Variants in TBC1D3H observed in about 807,000 individuals in gnomAD.
TBC1D3H encodes the protein TBC1 domain family member 3-like.
Position 36,388,363 on chromosome 17 carries a change from C to A in TBC1D3H, c.-40G>T, listed in dbSNP as rs1414538525. 8.2e-5 allele frequency: 12 copies of A among 146,408 alleles called. 1 individual carries two copies. In the East Asian group the frequency reaches 2.3e-3, roughly 28 times the overall value. The allele number at this position is 146,408 out of a possible 1,614,324, so 9.1% of individuals were successfully genotyped here. A position where few individuals can be genotyped will look rare whatever the true frequency, so the allele number is the denominator to read the frequency against. On this transcript the variant is annotated 5_prime_UTR_variant, in exon 1 of 14. Coordinates refer to ENST00000610350, the MANE Select transcript of TBC1D3H (RefSeq NM_001123392.4). ...ATCAGCTGGCCTGGGTCATGCCTCT[C>A]AGGGAGAAAACCTTTGAGTCCACAG...
intron 3 of TBC1D3H, among the ~76,000 whole-genome samples, chr17:36,386,060 T>A (rs563949380): frequency 3.9e-5 from 5 of 127,786 alleles, no homozygotes; most frequent in African/African-American, 1.5e-4. Context: ...CCTGCCCATC[T>A]TCCCCCCGTT....
At position 36,385,245 on chromosome 17, in the gene TBC1D3H, GGCTCTT is replaced by G; in HGVS notation, c.198+3_198+8del. The G allele has an allele frequency of 1.6e-6, 1 of 608,224 alleles. No individual in the cohort carries two copies. The highest frequency in any genetic ancestry group is 3.5e-5 in the Admixed American group (1 of 28,648). The allele number at this position is 608,224 out of a possible 1,614,324, so 37.7% of individuals were successfully genotyped here. ...CCTGGACCAGCCCCTCCACGCATCAGGCTCTTACCTTCGCCTCCCGCGCAGTCAGAG... is the reference window on the plus strand; with the variant it reads ...CCTGGACCAGCCCCTCCACGCATCAGACCTTCGCCTCCCGCGCAGTCAGAG... On this transcript the variant is annotated splice_donor_5th_base_variant and intron_variant, in intron 4 of 13. Coordinates refer to ENST00000610350, the MANE Select transcript of TBC1D3H (RefSeq NM_001123392.4).
chr17:36,386,014 C>G lies in TBC1D3H; in HGVS notation c.158+562G>C, dbSNP rs1292280041. Among the ~76,000 whole-genome samples, 3 of 126,234 alleles carry G rather than the reference C, an allele frequency of 2.4e-5. 1 individual carries two copies. The highest frequency in any genetic ancestry group is 5.0e-5 in the Non-Finnish European group (3 of 59,946). 82.8% of individuals were successfully genotyped at this position (126,234 alleles called of 152,430 possible). On this transcript the variant is annotated intron_variant, in intron 3 of 13. Coordinates refer to ENST00000610350, the MANE Select transcript of TBC1D3H (RefSeq NM_001123392.4). ...GGTCTTTAGCCGCGAGCCCTGCTGC[C>G]TCCCTGGCCTCACCGTGAGATGCCC...
upstream of TBC1D3H, chr17:36,388,447 G>A (rs1326059827): frequency 3.4e-5 from 5 of 147,756 alleles, no homozygotes; most frequent in Non-Finnish European, 7.4e-5. Context: ...AGGCAGGCCA[G>A]AGAGCAGACA....
rs2069668603 is a variant in TBC1D3H, at chr17:36,386,036, G to T, written c.158+540C>A. The stretch of plus-strand genomic sequence containing the variant: ...TGCCTCCCTGGCCTCACCGTGAGAT[G>T]CCCAGAACGGGGCCCTGCCCATCTT... On this transcript the variant is annotated intron_variant, in intron 3 of 13. Transcript: ENST00000610350. Among the ~76,000 whole-genome samples, 2 of 127,212 alleles carry T rather than the reference G, an allele frequency of 1.6e-5. 1 individual carries two copies. The highest frequency in any genetic ancestry group is 6.6e-4 in the South Asian group (2 of 3,022). 83.5% of individuals were successfully genotyped at this position (127,212 alleles called of 152,430 possible).
intron 3 of TBC1D3H, among the ~76,000 whole-genome samples, chr17:36,385,531 C>T (rs1394871542): frequency 1.6e-5 from 2 of 123,674 alleles, no homozygotes; most frequent in African/African-American, 5.9e-5. Context: ...GGGCCCCTGG[C>T]GTGGGGGGCG....
intron 3 of TBC1D3H, among the ~76,000 whole-genome samples, chr17:36,385,827 G>A (rs1316573019): frequency 1.4e-4 from 18 of 131,844 alleles, no homozygotes; most frequent in African/African-American, 4.8e-4. Flanking sequence ...CCCTGCACCC[G>A]AGCCACACAC....
intron 3 of TBC1D3H, among the ~76,000 whole-genome samples, chr17:36,385,858 C>T (rs541008087): frequency 7.6e-6 from 1 of 131,872 alleles, no homozygotes; most frequent in African/African-American, 2.8e-5. Context: ...AGAAGTGGCA[C>T]GGCTCATCAG....
chr17:36,386,001 C>T (rs1216894755), intron 3 of TBC1D3H, among the ~76,000 whole-genome samples: 1 of 125,540 alleles, frequency 8.0e-6, no homozygotes, highest in African/African-American at 3.0e-5. Flanking sequence ...TCTTTAGCCG[C>T]GAGCCCTGCT....
At chr17:36,385,854 G>A (rs2069661460) in intron 3 of TBC1D3H, among the ~76,000 whole-genome samples, 2 of 131,764 alleles carry the variant, frequency 1.5e-5, no homozygotes, top group Admixed American at 1.4e-4. Context: ...TTTCAGAAGT[G>A]GCACGGCTCA....
chr17:36,385,730 G>T (rs1195245999), intron 3 of TBC1D3H, among the ~76,000 whole-genome samples: 1 of 129,116 alleles, frequency 7.7e-6, no homozygotes, highest in Admixed American at 7.4e-5. Context: ...GACCTGCCCG[G>T]TGTACTCTGG....
At chr17:36,386,049 C>A (rs1379333017) in intron 3 of TBC1D3H, among the ~76,000 whole-genome samples, 1 of 127,622 alleles carries the variant, frequency 7.8e-6, no homozygotes, top group Non-Finnish European at 1.7e-5. Flanking sequence ...CAGAACGGGG[C>A]CCTGCCCATC....
Position 36,385,931 on chromosome 17 carries a change from G to A in TBC1D3H, c.159-638C>T, listed in dbSNP as rs1416208509. On this transcript the variant is annotated intron_variant, in intron 3 of 13. Transcript: ENST00000610350. The stretch of plus-strand genomic sequence containing the variant: ...CTCCATCCTGTGATCCCTGAGGGAT[G>A]GGCTCCTGGCTGGGCTCCTCTTACC... Among the ~76,000 whole-genome samples the A allele has an allele frequency of 1.6e-5, 2 of 126,076 alleles. 1 individual carries two copies. Among genetic ancestry groups the A allele is most frequent in the Non-Finnish European group, 3.3e-5 (2 of 59,874 alleles). The allele number at this position is 126,076 out of a possible 152,430, so 82.7% of individuals were successfully genotyped here. A position where few individuals can be genotyped will look rare whatever the true frequency, so the allele number is the denominator to read the frequency against.
rs2069660705 is a variant in TBC1D3H, at chr17:36,385,839, C to G, written c.159-546G>C. Among the ~76,000 whole-genome samples the G allele has an allele frequency of 1.5e-5, 2 of 132,284 alleles. 1 individual carries two copies. Among genetic ancestry groups the G allele is most frequent in the Admixed American group, 1.4e-4 (2 of 13,824 alleles). 86.8% of individuals were successfully genotyped at this position (132,284 alleles called of 152,430 possible). On this transcript the variant is annotated intron_variant, in intron 3 of 13. Transcript: ENST00000610350. ...TCTCCCTGCACCCGAGCCACACACC[C>G]TGCGTTTCAGAAGTGGCACGGCTCA...
chr17:36,388,433 A>G lies in TBC1D3H; in HGVS notation c.-110T>C, dbSNP rs2069705749. On this transcript the variant is annotated 5_prime_UTR_variant, in exon 1 of 14. Coordinates refer to ENST00000610350, the MANE Select transcript of TBC1D3H (RefSeq NM_001123392.4). ...TGCCTGTGTGTAACTGCTGTAGACCACTGAGGCAGGCCAGAGAGCAGACAG... is the reference window on the plus strand; with the variant it reads ...TGCCTGTGTGTAACTGCTGTAGACCGCTGAGGCAGGCCAGAGAGCAGACAG... 6.6e-6 allele frequency: 1 copy of G among 150,456 alleles called. No homozygotes were observed. Among genetic ancestry groups the G allele is most frequent in the Non-Finnish European group, 1.5e-5 (1 of 67,358 alleles). The allele number at this position is 150,456 out of a possible 1,614,324, so 9.3% of individuals were successfully genotyped here. A position where few individuals can be genotyped will look rare whatever the true frequency, so the allele number is the denominator to read the frequency against.
chr17:36,385,855 G>T (rs2069661529), intron 3 of TBC1D3H, among the ~76,000 whole-genome samples: 1 of 131,758 alleles, frequency 7.6e-6, no homozygotes, highest in Admixed American at 7.3e-5. Context: ...TTCAGAAGTG[G>T]CACGGCTCAT....
rs1339471702 is a variant in TBC1D3H, at chr17:36,388,420, A to G, written c.-97T>C. The stretch of plus-strand genomic sequence containing the variant: ...TCACAGATACCACTGCCTGTGTGTA[A>G]CTGCTGTAGACCACTGAGGCAGGCC... On this transcript the variant is annotated 5_prime_UTR_variant, in exon 1 of 14. Coordinates refer to ENST00000610350, the MANE Select transcript of TBC1D3H (RefSeq NM_001123392.4). 2.7e-5 allele frequency: 4 copies of G among 150,024 alleles called. 1 individual carries two copies. The highest frequency in any genetic ancestry group is 9.7e-5 in the African/African-American group (4 of 41,142). 9.3% of individuals were successfully genotyped at this position (150,024 alleles called of 1,614,324 possible).
At position 36,386,064 on chromosome 17, in the gene TBC1D3H, C is replaced by T. The variant is rs529509789; in HGVS notation, c.158+512G>A. On this transcript the variant is annotated intron_variant, in intron 3 of 13. Transcript: ENST00000610350. ...CAGAACGGGGCCCTGCCCATCTTCC[C>T]CCCGTTCTCCTAGGGCTACAGCCCC... Among the ~76,000 whole-genome samples, 137 of 127,936 alleles carry T rather than the reference C, an allele frequency of 1.1e-3. 32 individuals are homozygous for T. In the East Asian group the frequency reaches 0.036, roughly 34 times the overall value. 83.9% of individuals were successfully genotyped at this position (127,936 alleles called of 152,430 possible).
At position 36,385,794 on chromosome 17, in the gene TBC1D3H, C is replaced by T. The variant is rs1170743035; in HGVS notation, c.159-501G>A. Among the ~76,000 whole-genome samples the T allele has an allele frequency of 3.8e-5, 5 of 132,136 alleles. 1 individual carries two copies. The highest frequency in any genetic ancestry group is 8.1e-5 in the Non-Finnish European group (5 of 61,822). The allele number at this position is 132,136 out of a possible 152,430, so 86.7% of individuals were successfully genotyped here. A position where few individuals can be genotyped will look rare whatever the true frequency, so the allele number is the denominator to read the frequency against. ...GCCCCAAGGCCCTTGCAGATTCTGA[C>T]CTCCCAGCATCCACCTGCCTCTCCC... is the stretch of plus-strand genomic sequence containing the variant. On this transcript the variant is annotated intron_variant, in intron 3 of 13. Coordinates refer to ENST00000610350, the MANE Select transcript of TBC1D3H (RefSeq NM_001123392.4).
Sources: allele counts gnomAD v4.1 joint callset (sites outside exome capture counted in the v4.1 genomes callset), GRCh38; gene constraint gnomAD v4.1.1; transcripts MANE v1.5; gene names NCBI Gene and HGNC (gene_info 2026-07-23, HGNC 2026-07-21).